Variants in FOXM1 observed in about 807,000 individuals in gnomAD.
FOXM1 encodes forkhead box M1.
Under a neutral mutation model 63.6 loss-of-function variants are expected in FOXM1, and 25 were observed. That is an observed-to-expected ratio of 0.39 (90% CI 0.29 to 0.55). The LOEUF (loss-of-function observed/expected upper bound fraction) is 0.55. FOXM1 is among the 20% of genes least tolerant of loss of function. The pLI, the probability that FOXM1 is intolerant of heterozygous loss-of-function variation, is 0.60. For missense variants in FOXM1, 879 were observed against 958.7 expected, an observed-to-expected ratio of 0.92 and a Z score of 1.10; for synonymous variants, 387 against 376.9, an observed-to-expected ratio of 1.03 and a Z score of -0.31.
Position 2,859,043 on chromosome 12 carries a change from T to C in FOXM1, c.1887A>G (p.Pro629=). ...RTPESWRLTP[P]AKVGGLDFSP... is the part of the protein sequence containing the mutation. Reference sequence around the variant, plus strand: ...TGAAATCCAGTCCCCCTACTTTGGCTGGGGGCGTGAGCCTCCAGGATTCAG... The same window carrying C: ...TGAAATCCAGTCCCCCTACTTTGGCCGGGGGCGTGAGCCTCCAGGATTCAG... Residue 629 remains proline (P), a synonymous_variant, in exon 9 of 9, where the codon CCA becomes CCG. Transcript: ENST00000359843. 1 of 1,609,510 alleles carries C rather than the reference T, an allele frequency of 6.2e-7. No homozygotes were observed. Among genetic ancestry groups the C allele is most frequent in the Non-Finnish European group, 8.5e-7 (1 of 1,177,740 alleles).
chr12:2,874,146 A>G lies in FOXM1; in HGVS notation c.333T>C (p.Cys111=). 1 of 1,614,106 alleles carries G rather than the reference A, an allele frequency of 6.2e-7. No individual in the cohort carries two copies. Among genetic ancestry groups the G allele is most frequent in the East Asian group, 2.2e-5 (1 of 44,872 alleles). Residue 111 remains cysteine (C), a synonymous_variant, in exon 2 of 9, where the codon TGT becomes TGC. Coordinates refer to ENST00000359843, the MANE Select transcript of FOXM1 (RefSeq NM_021953.4). This position sits in a 1 kb window ranked among gnomAD's most constrained non-coding sequence, Gnocchi z 4.3. The part of the protein sequence containing the change: ...SGPNKFILIS[C]GGAPTQPPGL... The stretch of plus-strand genomic sequence containing the variant: ...CTGGAGGCTGAGTTGGGGCTCCCCC[A>G]CAGCTGATGAGGATGAATTTGTTGG...
intron 8 of FOXM1, among the ~76,000 whole-genome samples, chr12:2,862,166 G>A (rs1028064938): frequency 3.1e-4 from 46 of 147,482 alleles, no homozygotes; most frequent in African/African-American, 1.0e-3. Context: ...GCGACAGAGT[G>A]AGACTCCGTC....
Position 2,864,989 on chromosome 12 carries a change from G to A in FOXM1, c.1021-237C>T, listed in dbSNP as rs1038813932. 3.3e-6 allele frequency: 2 copies of A among 598,440 alleles called. No individual in the cohort carries two copies. Among genetic ancestry groups the A allele is most frequent in the South Asian group, 1.9e-5 (1 of 51,846 alleles). 37.1% of individuals were successfully genotyped at this position (598,440 alleles called of 1,614,324 possible). On this transcript the variant is annotated intron_variant, in intron 6 of 8. Coordinates refer to ENST00000359843, the MANE Select transcript of FOXM1 (RefSeq NM_021953.4). The surrounding 1 kb of genome is among the most constrained non-coding windows in gnomAD (Gnocchi z 5.1). ...AGAGTGGCACTACCGCTTCACCCAC[G>A]TGTCCTCAACACCCCTGGGGGATGC...
intron 8 of FOXM1, among the ~76,000 whole-genome samples, chr12:2,863,566 G>T (rs542026961): frequency 1.4e-4 from 21 of 148,050 alleles, no homozygotes; most frequent in African/African-American, 5.0e-4. Context: ...TTTTTTTTTT[G>T]CATTTTTAGC....
Position 2,864,900 on chromosome 12 carries a change from T to G in FOXM1, c.1021-148A>C. 2 of 803,126 alleles carry G rather than the reference T, an allele frequency of 2.5e-6. No individual in the cohort carries two copies. The highest frequency in any genetic ancestry group is 4.2e-6 in the Non-Finnish European group (2 of 479,182). The allele number at this position is 803,126 out of a possible 1,614,324, so 49.7% of individuals were successfully genotyped here. On this transcript the variant is annotated intron_variant, in intron 6 of 8. Coordinates refer to ENST00000359843, the MANE Select transcript of FOXM1 (RefSeq NM_021953.4). This position sits in a 1 kb window ranked among gnomAD's most constrained non-coding sequence, Gnocchi z 5.1. The stretch of plus-strand genomic sequence containing the variant: ...GGAGGCCAACCTGAGGGGATGGACG[T>G]AGGCGAGCAGTCTCCAAAACTGTGA...
rs1170019202 is a variant in FOXM1 at position 2,868,756 on chromosome 12, T to C, written c.655-2A>G. On this transcript the variant is annotated splice_acceptor_variant, in intron 3 of 8. Coordinates refer to ENST00000359843, the MANE Select transcript of FOXM1 (RefSeq NM_021953.4). LOFTEE classifies it high-confidence loss of function. Reference sequence around the variant, plus strand: ...TGATGGTCTCGAAGGCTCCTCAACCTGAGGGTTATGACACAGGGAATGACA... The same window carrying C: ...TGATGGTCTCGAAGGCTCCTCAACCCGAGGGTTATGACACAGGGAATGACA... The C allele has an allele frequency of 6.2e-7, 1 of 1,608,796 alleles. No individual in the cohort carries two copies. The highest frequency in any genetic ancestry group is 8.5e-7 in the Non-Finnish European group (1 of 1,177,718).
intron 8 of FOXM1, 85 bp from the exon 9 acceptor site, chr12:2,859,748 G>T: frequency 1.9e-6 from 2 of 1,028,332 alleles, no homozygotes; most frequent in Non-Finnish European, 1.4e-6. Flanking sequence ...GATCCTCTTT[G>T]TGTCGTTTTG....
At chr12:2,861,346 CA>C (rs766723739) in intron 8 of FOXM1, 7 of 740,664 alleles carry the variant, frequency 9.5e-6, no homozygotes, top group South Asian at 5.9e-5. Context: ...ATGGGTGTAC[CA>C]AAATCTCGCA....
intron 4 of FOXM1, among the ~76,000 whole-genome samples, chr12:2,867,532 G>A (rs927516364): frequency 4.6e-5 from 7 of 150,820 alleles, no homozygotes; most frequent in African/African-American, 7.3e-5. Context: ...CGTAGTGGCG[G>A]GCGCCTGTAG....
At chr12:2,860,709 C>A (rs1248175811) in intron 8 of FOXM1, among the ~76,000 whole-genome samples, 2 of 151,096 alleles carry the variant, frequency 1.3e-5, no homozygotes, top group Non-Finnish European at 2.9e-5. Context: ...CTTGTCTCTA[C>A]TAAAAATACA....
chr12:2,866,578 C>A lies in FOXM1; in HGVS notation c.847-57G>T, dbSNP rs1466451998. 6 of 1,464,212 alleles carry A rather than the reference C, an allele frequency of 4.1e-6. No homozygotes were observed. The East Asian group carries it at 1.3e-4, about 32-fold the overall frequency. The allele number at this position is 1,464,212 out of a possible 1,614,324, so 90.7% of individuals were successfully genotyped here. Reference sequence around the variant, plus strand: ...CTACTTTAGATTCAGAAACATCACCCTTCAAACACATGGGGAAACCAGCCT... The same window carrying A: ...CTACTTTAGATTCAGAAACATCACCATTCAAACACATGGGGAAACCAGCCT... On this transcript the variant is annotated intron_variant, in intron 4 of 8. Transcript: ENST00000359843.
chr12:2,873,580 A>T (rs1031466054), intron 2 of FOXM1, among the ~76,000 whole-genome samples: 6 of 145,588 alleles, frequency 4.1e-5, no homozygotes, highest in East Asian at 2.0e-4. Context: ...TTCTTTTTTC[A>T]TTTTTATTTT....
rs747889767 is a variant in FOXM1 at position 2,859,111 on chromosome 12, G to A, written c.1819C>T (p.Pro607Ser). The A allele has an allele frequency of 8.7e-6, 14 of 1,605,768 alleles. No homozygotes were observed. In the African/African-American group the frequency reaches 1.9e-4, roughly 21 times the overall value. Residue 607 changes from proline to serine, a missense_variant, in exon 9 of 9, where the codon CCC becomes TCC. Transcript: ENST00000359843. ...GATTTGCTCGGGGTGGAGGAGATGGGCAGCGTTTCCTTAATGGGTGTCTTA... is the reference window on the plus strand; with the variant it reads ...GATTTGCTCGGGGTGGAGGAGATGGACAGCGTTTCCTTAATGGGTGTCTTA... The part of the protein sequence containing the change: ...PFKTPIKETL[P>S]ISSTPSKSVL...
At chr12:2,861,038 G>A (rs1408169981) in intron 8 of FOXM1, among the ~76,000 whole-genome samples, 1 of 149,508 alleles carries the variant, frequency 6.7e-6, no homozygotes, top group Non-Finnish European at 1.5e-5. Context: ...CGCAGTGGTG[G>A]GCGCCTGTAA....
intron 2 of FOXM1, 93 bp downstream of exon 2, chr12:2,873,884 C>T: frequency 1.4e-6 from 2 of 1,407,314 alleles, no homozygotes; most frequent in Non-Finnish European, 1.9e-6. Context: ...GGCCAGAAGC[C>T]TGACTGTTGT....
intron 8 of FOXM1, chr12:2,863,680 C>T (rs1188070801): frequency 6.6e-6 from 1 of 151,734 alleles, no homozygotes; most frequent in African/African-American, 2.4e-5. Flanking sequence ...CAAGTGAGAC[C>T]CACAGCGTCT....
At chr12:2,859,866 T>C in intron 8 of FOXM1, 1 of 560,894 alleles carries the variant, frequency 1.8e-6, no homozygotes. Context: ...ATAATTATAA[T>C]AGCATTCATC....
rs745892836 is a variant in FOXM1 at position 2,874,406 on chromosome 12, T to C, written c.73A>G (p.Ser25Gly). The change falls in exon 2 of 9, where the codon AGT becomes GGT. Residue 25 changes from serine to glycine, a missense_variant. By Grantham distance (56) the Ser-to-Gly change is moderately conservative. This residue lies in a region of FOXM1 where 255 missense variants were observed against 292.4 expected (regional missense o/e 0.87). Transcript: ENST00000359843. The surrounding 1 kb of genome is among the most constrained non-coding windows in gnomAD (Gnocchi z 4.3). ...TTAGGTTCCTCCTCTGATGTTTCAC[T>C]TGGGGCATTTTGAACAGGAAGGGGC... ...RLPLPVQNAP[S>G]ETSEEEPKRS... 2 of 1,614,086 alleles carry C rather than the reference T, an allele frequency of 1.2e-6. No homozygotes were observed. The highest frequency in any genetic ancestry group is 1.7e-6 in the Non-Finnish European group (2 of 1,180,018).
chr12:2,868,833 G>C lies in FOXM1; in HGVS notation c.655-79C>G. The C allele has an allele frequency of 2.6e-6, 3 of 1,148,392 alleles. No individual in the cohort carries two copies. In the South Asian group the frequency reaches 4.4e-5, roughly 17 times the overall value. The allele number at this position is 1,148,392 out of a possible 1,614,324, so 71.1% of individuals were successfully genotyped here. ...AACCCAAGCCCTTGAAGAACATCTA[G>C]AGAAACCTTTATCCCATAGGACGGT... is the stretch of plus-strand genomic sequence containing the variant. On this transcript the variant is annotated intron_variant, in intron 3 of 8. Transcript: ENST00000359843.
Sources: gnomAD v4.1 joint callset for allele counts (sites outside exome capture counted in the v4.1 genomes callset) on GRCh38, gnomAD v4.1.1 for gene constraint, gnomAD v4.1.1 regional missense constraint, Gnocchi (gnomAD v3.1) non-coding constraint, MANE v1.5 for transcripts, NCBI Gene and HGNC (gene_info 2026-07-23, HGNC 2026-07-21) for gene names.